The following FOXP2 variants were observed in gnomAD, a reference collection of about 807,000 sequenced individuals.
The protein encoded by FOXP2 is forkhead box P2.
A neutral mutation model predicts 115.8 loss-of-function variants in FOXP2; 12 were observed. The ratio of observed to expected loss-of-function variants is 0.10; its 90% CI spans 0.07 to 0.17. FOXP2 has a LOEUF of 0.17. FOXP2 is among the 10% of genes least tolerant of loss of function. The pLI is 1.00. For missense variants in FOXP2, 629 were observed against 843.5 expected, an observed-to-expected ratio of 0.75 and a Z score of 3.15; for synonymous variants, 328 against 297.7, an observed-to-expected ratio of 1.10 and a Z score of -1.05.
intron 2 of FOXP2, among the ~76,000 whole-genome samples, chr7:114,508,848 G>A (rs879745972): frequency 1.6e-4 from 24 of 152,038 alleles, no homozygotes; most frequent in Non-Finnish European, 1.0e-4. Context: ...GTAATGTAGA[G>A]TAATGAATAT....
At chr7:114,642,812 A>ATATATATATATATTTTT (rs1308357594) in intron 7 of FOXP2, among the ~76,000 whole-genome samples, 189 bp downstream of exon 7, 1 of 72,428 alleles carries the variant, frequency 1.4e-5, no homozygotes, top group Non-Finnish European at 2.3e-5. Context: ...ATATATATAT[A>ATATATATATATATTTTT]TTTTTTTTTT....
At chr7:114,307,782 G>C (rs760261773) in intron 2 of FOXP2, among the ~76,000 whole-genome samples, 1 of 152,104 alleles carries the variant, frequency 6.6e-6, no homozygotes, top group African/African-American at 2.4e-5. Flanking sequence ...ATTGGGGGTG[G>C]GGAGAGGATG....
chr7:114,590,638 T>C (rs1303976971), intron 3 of FOXP2, among the ~76,000 whole-genome samples: 3 of 152,168 alleles, frequency 2.0e-5, no homozygotes, highest in Non-Finnish European at 2.9e-5. Flanking sequence ...TCCGTCTTGC[T>C]CTGAAATTTT....
At chr7:114,644,274 T>C (rs529305141) in intron 7 of FOXP2, among the ~76,000 whole-genome samples, 63 of 152,172 alleles carry the variant, frequency 4.1e-4, no homozygotes, top group Admixed American at 1.2e-3. Context: ...ATCCTAGAGG[T>C]CCATATCTTC....
intron 2 of FOXP2, among the ~76,000 whole-genome samples, chr7:114,331,150 T>G (rs1797700846): frequency 6.6e-6 from 1 of 152,192 alleles, no homozygotes; most frequent in African/African-American, 2.4e-5. Flanking sequence ...ATAAAATACT[T>G]TTTGATAAAT....
intron 1 of FOXP2, among the ~76,000 whole-genome samples, chr7:114,277,157 G>A (rs1361376804): frequency 6.6e-6 from 1 of 152,176 alleles, no homozygotes; most frequent in African/African-American, 2.4e-5. Context: ...CTGATATTGG[G>A]TGATGAGTTT....
chr7:114,361,934 A>T (rs1021406191), intron 2 of FOXP2, among the ~76,000 whole-genome samples: 3 of 152,068 alleles, frequency 2.0e-5, no homozygotes, highest in African/African-American at 7.2e-5. Context: ...TTTTAGTTAC[A>T]AAGATTCGCT....
intron 2 of FOXP2, among the ~76,000 whole-genome samples, chr7:114,312,507 C>T (rs1039158467): frequency 2.0e-5 from 3 of 152,114 alleles, no homozygotes; most frequent in African/African-American, 4.8e-5. Context: ...TCCAGCAAAC[C>T]GTGTCTCTGT....
chr7:114,486,518 A>G (rs890955841), intron 2 of FOXP2, among the ~76,000 whole-genome samples: 1 of 152,006 alleles, frequency 6.6e-6, no homozygotes, highest in African/African-American at 2.4e-5. Flanking sequence ...AAAACCAGTC[A>G]TCCCTTCCCA....
intron 3 of FOXP2, among the ~76,000 whole-genome samples, chr7:114,615,954 C>A (rs756709917): frequency 3.9e-5 from 6 of 152,146 alleles, no homozygotes; most frequent in Non-Finnish European, 8.8e-5. Flanking sequence ...AGATGATCCT[C>A]TTTGTTTAAC....
intron 2 of FOXP2, among the ~76,000 whole-genome samples, chr7:114,339,384 T>C (rs1791139768): frequency 6.6e-6 from 1 of 151,306 alleles, no homozygotes; most frequent in South Asian, 2.1e-4. Context: ...AATATAGTAA[T>C]GAATATAATT....
At chr7:114,526,354 G>A (rs1798861401) in intron 2 of FOXP2, among the ~76,000 whole-genome samples, 1 of 148,806 alleles carries the variant, frequency 6.7e-6, no homozygotes, top group Admixed American at 6.7e-5. Context: ...GCACGCGCCT[G>A]TAATCCCAGA....
chr7:114,467,070 G>A (rs1795831499), intron 2 of FOXP2, among the ~76,000 whole-genome samples: 1 of 152,262 alleles, frequency 6.6e-6, no homozygotes, highest in African/African-American at 2.4e-5. Flanking sequence ...ATTGGCAGGT[G>A]GTTTCTCTTT....
intron 1 of FOXP2, among the ~76,000 whole-genome samples, chr7:114,200,506 C>T (rs577526226): frequency 6.6e-6 from 1 of 152,208 alleles, no homozygotes; most frequent in Non-Finnish European, 1.5e-5. Flanking sequence ...AATCCTTGAA[C>T]TATTCTCTGG....
intron 3 of FOXP2, among the ~76,000 whole-genome samples, chr7:114,591,645 G>A (rs1031979911): frequency 6.6e-6 from 1 of 151,866 alleles, no homozygotes; most frequent in Non-Finnish European, 1.5e-5. Flanking sequence ...TTCTTTCTCT[G>A]AACATAAATC....
At chr7:114,464,652 T>C (rs1795727449) in intron 2 of FOXP2, among the ~76,000 whole-genome samples, 1 of 152,208 alleles carries the variant, frequency 6.6e-6, no homozygotes, top group Non-Finnish European at 1.5e-5. Context: ...TCTGTTTTTG[T>C]TTTTTCACCA....
intron 11 of FOXP2, among the ~76,000 whole-genome samples, chr7:114,659,144 A>C (rs1379641278): frequency 6.6e-6 from 1 of 152,204 alleles, no homozygotes; most frequent in East Asian, 1.9e-4. Context: ...CAGTTCCTGA[A>C]GTACCACGAA....
chr7:114,271,731 A>T (rs1281139955), intron 1 of FOXP2, among the ~76,000 whole-genome samples: 1 of 117,802 alleles, frequency 8.5e-6, no homozygotes, highest in Non-Finnish European at 1.6e-5. Flanking sequence ...TATTAAATAT[A>T]TATTAAATAC....
At chr7:114,423,832 AT>A (rs1161560513) in intron 1 of FOXP2, among the ~76,000 whole-genome samples, 2 of 151,534 alleles carry the variant, frequency 1.3e-5, no homozygotes, top group Non-Finnish European at 1.5e-5. Context: ...TCCTTGAAAA[AT>A]TCCTCCTTTA....
Sources: gnomAD v4.1 joint callset for allele counts (sites outside exome capture counted in the v4.1 genomes callset) on GRCh38, gnomAD v4.1.1 for gene constraint, MANE v1.5 for transcripts, NCBI Gene and HGNC (gene_info 2026-07-23, HGNC 2026-07-21) for gene names.